The following TSHZ1 variants were observed in gnomAD, a reference collection of about 807,000 sequenced individuals.
TSHZ1 encodes teashirt homolog 1.
A neutral mutation model predicts 67.1 loss-of-function variants in TSHZ1; 12 were observed. That is an observed-to-expected ratio of 0.18 (90% confidence interval 0.11 to 0.29). The LOEUF is 0.29. Ranked by LOEUF, TSHZ1 falls within the 10% of genes least tolerant of loss-of-function variation. TSHZ1 has a pLI of 1.00. For synonymous variants in TSHZ1, 632 were observed against 622.4 expected (o/e 1.02, Z -0.23); for missense variants, 1,305 against 1,413.9 (o/e 0.92, Z 1.23).
chr18:75,273,775 G>A (rs1197192985), intron 1 of TSHZ1, among the ~76,000 whole-genome samples: 1 of 152,196 alleles, frequency 6.6e-6, no homozygotes, highest in Non-Finnish European at 1.5e-5. Context: ...TTGGCATCCA[G>A]AAGGCACATT....
intron 1 of TSHZ1, among the ~76,000 whole-genome samples, chr18:75,273,519 A>G (rs1456292836): frequency 6.6e-6 from 1 of 152,258 alleles, no homozygotes; most frequent in Non-Finnish European, 1.5e-5. Context: ...TGGGCTACAA[A>G]TTGAGAAACA....
At chr18:75,212,084 C>T (rs563362264) in intron 1 of TSHZ1, among the ~76,000 whole-genome samples, 168 bp downstream of exon 1, 1 of 152,202 alleles carries the variant, frequency 6.6e-6, no homozygotes, top group South Asian at 2.1e-4. Context: ...TCGCCGTCCT[C>T]CCCCACACCC....
intron 1 of TSHZ1, among the ~76,000 whole-genome samples, chr18:75,275,361 C>T (rs947295166): frequency 3.3e-5 from 5 of 152,176 alleles, no homozygotes; most frequent in Non-Finnish European, 7.3e-5. Context: ...TGCAAGAGTA[C>T]AGCGTGCAGT....
At chr18:75,241,835 G>A (rs1044536024) in intron 1 of TSHZ1, among the ~76,000 whole-genome samples, 1 of 151,154 alleles carries the variant, frequency 6.6e-6, no homozygotes, top group Non-Finnish European at 1.5e-5. Context: ...GCTCCTGGCA[G>A]TCCTGGGTGT....
intron 1 of TSHZ1, among the ~76,000 whole-genome samples, chr18:75,255,920 G>T (rs1348978421): frequency 3.3e-5 from 5 of 152,164 alleles, no homozygotes; most frequent in Admixed American, 3.3e-4. Context: ...GCTCACTAAA[G>T]AAATTAAATT....
At chr18:75,251,970 T>C (rs894691056) in intron 1 of TSHZ1, among the ~76,000 whole-genome samples, 2 of 152,240 alleles carry the variant, frequency 1.3e-5, no homozygotes, top group African/African-American at 4.8e-5. Flanking sequence ...ATTTAAAAAT[T>C]AATGAAACTT....
chr18:75,285,406 A>T (rs2023738425), intron 1 of TSHZ1, 42 bp from the exon 2 acceptor site: 11 of 1,421,394 alleles, frequency 7.7e-6, no homozygotes, highest in Non-Finnish European at 1.0e-5. Flanking sequence ...CTCTTTGAAG[A>T]TGATTTACTT....
chr18:75,282,295 C>CCAGG (rs1251012488), intron 1 of TSHZ1, among the ~76,000 whole-genome samples: 2 of 152,192 alleles, frequency 1.3e-5, no homozygotes, highest in African/African-American at 4.8e-5. Flanking sequence ...AGATGCCGGG[C>CCAGG]CAGGCCCTGA....
In TSHZ1 at chr18:75,289,515, G is replaced by A. The variant is rs1023290325; in HGVS notation, c.*874G>A. On this transcript the variant is annotated 3_prime_UTR_variant, in exon 2 of 2. Transcript: ENST00000580243. ...GTAAATGAAAAAAAATGGGGCAAAC[G>A]TTGGAGTCCTTTCCTTGTAAATTGC... 4 of 167,026 alleles carry A rather than the reference G, an allele frequency of 2.4e-5. No homozygotes were observed. Among genetic ancestry groups the A allele is most frequent in the African/African-American group, 7.2e-5 (3 of 41,442 alleles). 10.3% of individuals were successfully genotyped at this position (167,026 alleles called of 1,614,324 possible). A position where few individuals can be genotyped will look rare whatever the true frequency, so the allele number is the denominator to read the frequency against.
intron 1 of TSHZ1, chr18:75,245,389 G>A (rs776215872): frequency 1.3e-5 from 2 of 152,102 alleles, no homozygotes; most frequent in African/African-American, 2.4e-5. Flanking sequence ...AGGAACCCCT[G>A]GATTTTTAAG....
At chr18:75,243,118 C>T (rs1427679430) in intron 1 of TSHZ1, among the ~76,000 whole-genome samples, 1 of 152,164 alleles carries the variant, frequency 6.6e-6, no homozygotes, top group African/African-American at 2.4e-5. Context: ...GCATGGCTGG[C>T]ACCTTTCTGT....
Position 75,226,318 on chromosome 18 carries a change from C to G in TSHZ1, c.40+14402C>G, listed in dbSNP as rs190801437. ...CCCAACTCTGTGGTTCTAGAACCTT[C>G]TATTAATTCCCATTGGTGAGCCCAT... On this transcript the variant is annotated intron_variant, in intron 1 of 1. Coordinates refer to ENST00000580243, the MANE Select transcript of TSHZ1 (RefSeq NM_001308210.2). 5.8e-3 allele frequency among the ~76,000 whole-genome samples: 887 copies of G among 152,230 alleles called. 12 individuals are homozygous for G. The highest frequency in any genetic ancestry group is 0.021 in the African/African-American group (864 of 41,538).
rs146612936 is a variant in TSHZ1, at chr18:75,237,154, G to A, written c.40+25238G>A. On this transcript the variant is annotated intron_variant, in intron 1 of 1. Transcript: ENST00000580243. ...AGGATCCTGAGATCTGTTCTTGACT[G>A]AGAGTTGCGTGTCAGGGCGGTTCCT... Among the ~76,000 whole-genome samples, 202 of 152,332 alleles carry A rather than the reference G, an allele frequency of 1.3e-3. 1 individual carries two copies. Among genetic ancestry groups the A allele is most frequent in the African/African-American group, 4.4e-3 (185 of 41,576 alleles).
chr18:75,219,864 G>C (rs1000127108), intron 1 of TSHZ1, among the ~76,000 whole-genome samples: 4 of 152,230 alleles, frequency 2.6e-5, no homozygotes, highest in Non-Finnish European at 5.9e-5. Flanking sequence ...GCACGCGTAG[G>C]TGTGCAGAAC....
chr18:75,271,429 G>T (rs978897651), intron 1 of TSHZ1, among the ~76,000 whole-genome samples: 9 of 152,074 alleles, frequency 5.9e-5, no homozygotes, highest in African/African-American at 1.9e-4. Flanking sequence ...TTCACTCAAG[G>T]ATGCAAATGA....
At chr18:75,228,841 C>T (rs963217580) in intron 1 of TSHZ1, among the ~76,000 whole-genome samples, 3 of 152,180 alleles carry the variant, frequency 2.0e-5, no homozygotes, top group Non-Finnish European at 4.4e-5. Flanking sequence ...GCACGGATCC[C>T]AGCATCTAGG....
chr18:75,280,962 C>A, intron 1 of TSHZ1: 1 of 339,290 alleles, frequency 2.9e-6, no homozygotes, highest in Non-Finnish European at 4.2e-6. Context: ...GGCTGGCATC[C>A]AGACTGGGCA....
chr18:75,283,319 C>G (rs1422344929), intron 1 of TSHZ1: 1 of 152,304 alleles, frequency 6.6e-6, no homozygotes, highest in Middle Eastern at 3.2e-3. Context: ...AGTGGGGTCC[C>G]TGGGTCCTAG....
Position 75,211,737 on chromosome 18 carries a change from C to A in TSHZ1, c.-140C>A. 1 of 370,002 alleles carries A rather than the reference C, an allele frequency of 2.7e-6. No individual in the cohort carries two copies. Among genetic ancestry groups the A allele is most frequent in the African/African-American group, 2.3e-5 (1 of 44,072 alleles). The allele number at this position is 370,002 out of a possible 1,614,324, so 22.9% of individuals were successfully genotyped here. On this transcript the variant is annotated 5_prime_UTR_variant, in exon 1 of 2. Transcript: ENST00000580243. Reference sequence around the variant, plus strand: ...GCGAGCGGCTCCCCGCGGTCCGCGGCGCGCCCGGAGCCCGGAGCCCGCGGG... The same window carrying A: ...GCGAGCGGCTCCCCGCGGTCCGCGGAGCGCCCGGAGCCCGGAGCCCGCGGG...
Sources: gnomAD v4.1 joint callset for allele counts (sites outside exome capture counted in the v4.1 genomes callset) on GRCh38, gnomAD v4.1.1 for gene constraint, MANE v1.5 for transcripts, NCBI Gene and HGNC (gene_info 2026-07-23, HGNC 2026-07-21) for gene names.